The following SLC25A29 variants were observed in gnomAD, a reference collection of about 807,000 sequenced individuals.
SLC25A29 encodes solute carrier family 25 member 29, also known as mitochondrial basic amino acids transporter.
Under a neutral mutation model 10.0 loss-of-function variants are expected in SLC25A29, and 13 were observed. The observed-to-expected ratio is 1.30, with a 90% CI of 0.85 to 2.07. The LOEUF (loss-of-function observed/expected upper bound fraction) is 2.07, where lower values mean the gene tolerates loss of function less well. SLC25A29 is among the 30% of genes most tolerant of loss of function. The pLI, the probability that SLC25A29 is intolerant of heterozygous loss-of-function variation, is 0.00. For missense variants in SLC25A29, 475 were observed against 447.6 expected (o/e 1.06, Z -0.55); for synonymous variants, 244 against 221.1 (o/e 1.10, Z -0.92).
chr14:100,300,679 G>T (rs1206162726), intron 1 of SLC25A29, among the ~76,000 whole-genome samples: 1 of 151,802 alleles, frequency 6.6e-6, no homozygotes, highest in East Asian at 2.0e-4. Flanking sequence ...TGCCCAATGT[G>T]TAGTTTTGAA....
rs1891766515 is a variant in SLC25A29 at position 100,292,346 on chromosome 14, G to A, written c.849C>T (p.Pro283=). The change falls in exon 4 of 4, where the codon CCC becomes CCT. Residue 283 remains proline (P), a synonymous_variant. Transcript: ENST00000359232. ...LTYARGEEAG[P]EGEAVPAAPA... is the part of the protein sequence containing the mutation. ...GGGCGGCGGGCACAGCCTCGCCCTC[G>A]GGCCCGGCCTCCTCGCCGCGCGCGT... is the stretch of plus-strand genomic sequence containing the variant. 8 of 1,491,332 alleles carry A rather than the reference G, an allele frequency of 5.4e-6. No homozygotes were observed. Among genetic ancestry groups the A allele is most frequent in the Non-Finnish European group, 7.1e-6 (8 of 1,126,960 alleles). 92.4% of individuals were successfully genotyped at this position (1,491,332 alleles called of 1,614,324 possible). A position where few individuals can be genotyped will look rare whatever the true frequency, so the allele number is the denominator to read the frequency against.
At position 100,292,405 on chromosome 14, in the gene SLC25A29, C is replaced by T; in HGVS notation, c.790G>A (p.Ala264Thr). 1 of 1,574,404 alleles carries T rather than the reference C, an allele frequency of 6.4e-7. No homozygotes were observed. Among genetic ancestry groups the T allele is most frequent in the Non-Finnish European group, 8.6e-7 (1 of 1,163,094 alleles). Reference sequence around the variant, plus strand: ...ACCACCGTGACGGTGGCGAAGGTGGCAGCGTTGACGGGGAAGGCGCGCAGC... The same window carrying T: ...ACCACCGTGACGGTGGCGAAGGTGGTAGCGTTGACGGGGAAGGCGCGCAGC... The part of the protein sequence containing the change: ...TLLRAFPVNA[A>T]TFATVTVVLT... The change falls in exon 4 of 4, where the codon GCC (alanine) becomes ACC (threonine). Residue 264 changes from alanine to threonine, a missense_variant. Transcript: ENST00000359232.
chr14:100,289,507 T>G (rs1480315415), downstream of SLC25A29, among the ~76,000 whole-genome samples: 1 of 152,154 alleles, frequency 6.6e-6, no homozygotes, highest in Non-Finnish European at 1.5e-5. Flanking sequence ...TCTGGTAGTA[T>G]TTTTAGTTTT....
At chr14:100,303,077 C>A (rs1892670232) in intron 1 of SLC25A29, among the ~76,000 whole-genome samples, 1 of 152,212 alleles carries the variant, frequency 6.6e-6, no homozygotes, top group Non-Finnish European at 1.5e-5. Flanking sequence ...CCTATCTTTT[C>A]TTTCATGACT....
intron 1 of SLC25A29, among the ~76,000 whole-genome samples, chr14:100,303,641 C>G (rs986952453): frequency 2.6e-5 from 4 of 152,204 alleles, no homozygotes; most frequent in African/African-American, 9.7e-5. Flanking sequence ...TTGGAGGAGC[C>G]TCCTCACCAC....
Position 100,292,839 on chromosome 14 carries a change from C to A in SLC25A29, c.356G>T (p.Arg119Leu). The change falls in exon 4 of 4, where the codon CGG (arginine) becomes CTG (leucine). Residue 119 changes from arginine (R) to leucine (L), a missense_variant. Transcript: ENST00000359232. The part of the protein sequence containing the change: ...ICCPMELAKT[R>L]LQLQDAGPAR... Reference sequence around the variant, plus strand: ...TGGGCCCGCGTCCTGCAGCTGCAGCCGCGTCTTGGCCAGCTCCATGGGGCA... The same window carrying A: ...TGGGCCCGCGTCCTGCAGCTGCAGCAGCGTCTTGGCCAGCTCCATGGGGCA... 8 of 1,592,918 alleles carry A rather than the reference C, an allele frequency of 5.0e-6. No individual in the cohort carries two copies. The highest frequency in any genetic ancestry group is 6.8e-6 in the Non-Finnish European group (8 of 1,171,706).
At chr14:100,302,400 C>T (rs1892624350) in intron 1 of SLC25A29, among the ~76,000 whole-genome samples, 1 of 149,948 alleles carries the variant, frequency 6.7e-6, no homozygotes, top group Admixed American at 6.7e-5. Context: ...TGCTCTGTCA[C>T]CCAGGCCGGA....
At chr14:100,293,937 T>G (rs1380441861) in intron 2 of SLC25A29, 2 of 152,786 alleles carry the variant, frequency 1.3e-5, no homozygotes, top group African/African-American at 4.8e-5. Flanking sequence ...CTGGCCAACG[T>G]GGCGAAATCG....
chr14:100,284,212 C>T, the SLC25A29 span, among the ~76,000 whole-genome samples: 1 of 152,214 alleles, frequency 6.6e-6, no homozygotes, highest in Non-Finnish European at 1.5e-5. Flanking sequence ...TTCCAAGGTA[C>T]TCTGCTTGCC....
intron 1 of SLC25A29, among the ~76,000 whole-genome samples, chr14:100,300,330 C>T (rs1892459015): frequency 6.6e-6 from 1 of 152,186 alleles, no homozygotes; most frequent in Non-Finnish European, 1.5e-5. Context: ...TTTGCCAGTT[C>T]TGCTTTCTCT....
At chr14:100,299,361 C>A in intron 1 of SLC25A29, 1 of 1,014,794 alleles carries the variant, frequency 9.9e-7, no homozygotes, top group Non-Finnish European at 1.2e-6. Context: ...TGTCTCTGGG[C>A]CTCACTCTGG....
intron 1 of SLC25A29, among the ~76,000 whole-genome samples, chr14:100,301,182 A>G (rs986136325): frequency 3.9e-5 from 6 of 152,044 alleles, no homozygotes; most frequent in African/African-American, 1.5e-4. Context: ...TACAGACTTT[A>G]GCCACCACGC....
chr14:100,283,281 GTTCA>G, the SLC25A29 span, among the ~76,000 whole-genome samples: 1 of 152,214 alleles, frequency 6.6e-6, no homozygotes, highest in Non-Finnish European at 1.5e-5. Context: ...GAGGCGTGAA[GTTCA>G]TTATTACTTG....
rs566345957 is a variant in SLC25A29 at position 100,291,909 on chromosome 14, C to T, written c.*374G>A. ...CCCTTGGTTGGCCATCAGAGACCCC[C>T]GGGAGCCAGCCTGCAGGGCAGGAGC... On this transcript the variant is annotated 3_prime_UTR_variant, in exon 4 of 4. Coordinates refer to ENST00000359232, the MANE Select transcript of SLC25A29 (RefSeq NM_001039355.3). 6.8e-5 allele frequency: 20 copies of T among 295,716 alleles called. No homozygotes were observed. The highest frequency in any genetic ancestry group is 2.7e-4 in the South Asian group (9 of 33,048). 18.3% of individuals were successfully genotyped at this position (295,716 alleles called of 1,614,324 possible).
chr14:100,284,731 A>T, the SLC25A29 span, among the ~76,000 whole-genome samples: 3 of 152,140 alleles, frequency 2.0e-5, no homozygotes, highest in African/African-American at 7.2e-5. Flanking sequence ...AGGAAGGAGG[A>T]TAAGGCTGTG....
chr14:100,295,842 A>G (rs1892109581), intron 2 of SLC25A29: 1 of 1,289,748 alleles, frequency 7.8e-7, no homozygotes, highest in Non-Finnish European at 1.0e-6. Context: ...GGTCAAGACA[A>G]CTGCTCCCTG....
chr14:100,292,229 T>C lies in SLC25A29; in HGVS notation c.*54A>G, dbSNP rs1891750673. 1.3e-6 allele frequency: 2 copies of C among 1,519,612 alleles called. No homozygotes were observed. The highest frequency in any genetic ancestry group is 1.4e-5 in the African/African-American group (1 of 72,134). The allele number at this position is 1,519,612 out of a possible 1,614,324, so 94.1% of individuals were successfully genotyped here. A position where few individuals can be genotyped will look rare whatever the true frequency, so the allele number is the denominator to read the frequency against. On this transcript the variant is annotated 3_prime_UTR_variant, in exon 4 of 4. Coordinates refer to ENST00000359232, the MANE Select transcript of SLC25A29 (RefSeq NM_001039355.3). ...GCAGGGCAATCGACTCAGGGGCCAA[T>C]TTATGTCCCAGGTTTCTGAGAAGGA...
chr14:100,306,098 A>G, intron 1 of SLC25A29, 101 bp downstream of exon 1: 1 of 856,848 alleles, frequency 1.2e-6, no homozygotes, highest in African/African-American at 1.8e-5. Context: ...AGACGCGGCG[A>G]CCCCCGCCAG....
At chr14:100,290,134 G>A (rs947697960), downstream of SLC25A29, among the ~76,000 whole-genome samples, 6 of 152,340 alleles carry the variant, frequency 3.9e-5, no homozygotes, top group African/African-American at 9.6e-5. Context: ...CAAGGGTCAC[G>A]TTGGGGCCTT....
Sources: allele counts gnomAD v4.1 joint callset (sites outside exome capture counted in the v4.1 genomes callset), GRCh38; gene constraint gnomAD v4.1.1; transcripts MANE v1.5; gene names NCBI Gene and HGNC (gene_info 2026-07-23, HGNC 2026-07-21).